CHST7: variants seen among roughly 807,000 people sequenced by gnomAD.
CHST7 encodes carbohydrate sulfotransferase 7, also known as N-acetylglucosamine 6-O-sulfotransferase 4.
In CHST7, 5 loss-of-function variants were observed where a neutral mutation model predicts 9.0. That is an observed-to-expected ratio of 0.56 (90% CI 0.29 to 1.17). The LOEUF (loss-of-function observed/expected upper bound fraction) is 1.17, where lower values mean the gene tolerates loss of function less well. Ranked by LOEUF, CHST7 falls within the 50% of genes most tolerant of loss-of-function variation. The probability of loss-of-function intolerance (pLI) is 0.08; values close to 1 mark genes in which losing one functional copy is unlikely to be tolerated. For synonymous variants in CHST7, 244 were observed against 237.1 expected (o/e 1.03, Z -0.27); for missense variants, 377 against 485.1 (o/e 0.78, Z 2.09).
chrX:46,596,413 T>C (rs940189066), intron 1 of CHST7, among the ~76,000 whole-genome samples: 10 of 110,626 alleles, frequency 9.0e-5, no homozygotes, highest in Admixed American at 2.9e-4. Context: ...ACGTGTACCT[T>C]TTCCTGTGGT....
chrX:46,577,123 C>CTTTTTTT (rs34822854), intron 1 of CHST7, among the ~76,000 whole-genome samples: 54 of 69,314 alleles, frequency 7.8e-4, no homozygotes, highest in Non-Finnish European at 9.6e-4. Flanking sequence ...GAAACTTTTG[C>CTTTTTTT]TTTTTTTTTT....
chrX:46,581,009 C>T (rs1443986985), intron 1 of CHST7, among the ~76,000 whole-genome samples: 2 of 109,952 alleles, frequency 1.8e-5, no homozygotes, highest in African/African-American at 3.3e-5. Context: ...CTGAGGCGGG[C>T]GGATCACTTG....
chrX:46,587,550 T>C (rs1177225374), intron 1 of CHST7, among the ~76,000 whole-genome samples: 1 of 112,327 alleles, frequency 8.9e-6, no homozygotes, highest in East Asian at 2.8e-4. Context: ...TTTAATGCTG[T>C]TTAAAGTACG....
At chrX:46,596,472 C>T (rs1364308136) in intron 1 of CHST7, among the ~76,000 whole-genome samples, 3 of 110,600 alleles carry the variant, frequency 2.7e-5, no homozygotes, top group Non-Finnish European at 3.8e-5. Context: ...GGAGATCTAT[C>T]TGCCTTGCAG....
At chrX:46,594,691 A>AT (rs1942586010) in intron 1 of CHST7, among the ~76,000 whole-genome samples, 1 of 110,608 alleles carries the variant, frequency 9.0e-6, no homozygotes, top group Non-Finnish European at 1.9e-5. Context: ...TGCCTTCAGG[A>AT]TTTTTTTGTC....
intron 1 of CHST7, among the ~76,000 whole-genome samples, chrX:46,591,602 T>C (rs913391367): frequency 9.0e-6 from 1 of 111,055 alleles, no homozygotes; most frequent in African/African-American, 3.3e-5. Context: ...CTGGAACTCC[T>C]AACCTCAAGT....
chrX:46,575,398 C>T lies in CHST7; in HGVS notation c.*6C>T. 9.7e-7 allele frequency: 1 copy of T among 1,030,619 alleles called. No homozygotes were observed. Among genetic ancestry groups the T allele is most frequent in the East Asian group, 3.9e-5 (1 of 25,856 alleles). The allele number at this position is 1,030,619 out of a possible 1,213,427, so 84.9% of individuals were successfully genotyped here. A position where few individuals can be genotyped will look rare whatever the true frequency, so the allele number is the denominator to read the frequency against. ...ATGCCGACGGCGCCACGTAGCCTCC[C>T]ATCCCTGTCCCCGGCACGGATCCGG... On this transcript the variant is annotated 3_prime_UTR_variant, in exon 1 of 2. Transcript: ENST00000276055.
At chrX:46,576,124 CCTCT>C (rs1942498243) in intron 1 of CHST7, among the ~76,000 whole-genome samples, 1 of 109,264 alleles carries the variant, frequency 9.2e-6, no homozygotes, top group Admixed American at 9.8e-5. Flanking sequence ...CTCATGTGCG[CCTCT>C]CTGTCTCCCC....
At chrX:46,575,657 G>C (rs1040556395) in intron 1 of CHST7, among the ~76,000 whole-genome samples, 2 of 112,472 alleles carry the variant, frequency 1.8e-5, no homozygotes, top group Admixed American at 1.9e-4. Flanking sequence ...ATATTTAGGC[G>C]TGACTGAGGT....
In CHST7 at chrX:46,575,027, C is replaced by T; in HGVS notation, c.1096C>T (p.Leu366=). The T allele has an allele frequency of 8.9e-7, 1 of 1,129,614 alleles. No homozygotes were observed. Among genetic ancestry groups the T allele is most frequent in the Non-Finnish European group, 1.2e-6 (1 of 867,029 alleles). The allele number at this position is 1,129,614 out of a possible 1,213,427, so 93.1% of individuals were successfully genotyped here. The part of the protein sequence containing the change: ...LLFARGAPAW[L]RRRYLRLRYE... Reference sequence around the variant, plus strand: ...TTTCGCGCGCGGCGCGCCCGCCTGGCTGCGGCGCCGCTACCTGAGGCTGCG... The same window carrying T: ...TTTCGCGCGCGGCGCGCCCGCCTGGTTGCGGCGCCGCTACCTGAGGCTGCG... The change falls in exon 1 of 2, where the codon CTG becomes TTG. Residue 366 remains leucine (L), a synonymous_variant. Transcript: ENST00000276055.
intron 1 of CHST7, among the ~76,000 whole-genome samples, chrX:46,579,055 G>A (rs1259781744): frequency 9.0e-6 from 1 of 111,433 alleles, no homozygotes; most frequent in African/African-American, 3.3e-5. Context: ...AGCCAAAGCT[G>A]AGAACCTCTG....
chrX:46,597,362 AC>A (rs1417124135), intron 1 of CHST7, among the ~76,000 whole-genome samples: 1 of 112,148 alleles, frequency 8.9e-6, no homozygotes, highest in Non-Finnish European at 1.9e-5. Flanking sequence ...GGCGTTTTGC[AC>A]ATATGAACTG....
At chrX:46,581,399 T>TA (rs1445234172) in intron 1 of CHST7, among the ~76,000 whole-genome samples, 2 of 105,632 alleles carry the variant, frequency 1.9e-5, no homozygotes, top group Non-Finnish European at 1.9e-5. Context: ...CTACTAAAAA[T>TA]ACAAAAATTA....
intron 1 of CHST7, among the ~76,000 whole-genome samples, chrX:46,587,254 C>T (rs1258704733): frequency 9.0e-6 from 1 of 111,112 alleles, no homozygotes; most frequent in African/African-American, 3.3e-5. Context: ...CATTGAATTC[C>T]TCCCACGGTG....
intron 1 of CHST7, among the ~76,000 whole-genome samples, chrX:46,575,811 T>C (rs1456220735): frequency 9.0e-6 from 1 of 111,642 alleles, no homozygotes; most frequent in African/African-American, 3.3e-5. Flanking sequence ...CGGAAACCAT[T>C]TGAGGTTGAT....
In CHST7 at chrX:46,574,396, C is replaced by A; in HGVS notation, c.465C>A (p.Asp155Glu). The change falls in exon 1 of 2, where the codon GAC (aspartate) becomes GAA (glutamate). Residue 155 changes from aspartate (D) to glutamate (E), a missense_variant. This residue lies in a region of CHST7 where 239 missense variants were observed against 325.7 expected (regional missense o/e 0.73). Coordinates refer to ENST00000276055, the MANE Select transcript of CHST7 (RefSeq NM_019886.4). ...DAESLQGALR[D>E]MLRSLFRCDF... ...AGAGCTTGCAGGGCGCGCTGCGCGA[C>A]ATGCTGCGTTCGCTCTTCCGCTGCG... The A allele has an allele frequency of 8.3e-7, 1 of 1,208,575 alleles. No individual in the cohort carries two copies.
intron 1 of CHST7, among the ~76,000 whole-genome samples, chrX:46,595,668 G>A (rs1039778959): frequency 9.0e-6 from 1 of 111,386 alleles, no homozygotes; most frequent in African/African-American, 3.3e-5. Flanking sequence ...TATAGAGGCA[G>A]CAAAAAGAAA....
At chrX:46,592,449 G>A (rs890132572) in intron 1 of CHST7, among the ~76,000 whole-genome samples, 1 of 112,099 alleles carries the variant, frequency 8.9e-6, no homozygotes, top group Non-Finnish European at 1.9e-5. Flanking sequence ...CAGCTCACCC[G>A]CCTTCTGGGT....
At chrX:46,579,501 T>C (rs865885051) in intron 1 of CHST7, among the ~76,000 whole-genome samples, 2 of 112,082 alleles carry the variant, frequency 1.8e-5, no homozygotes, top group Non-Finnish European at 3.8e-5. Flanking sequence ...TGACATGACA[T>C]ATGCATCCTT....
Sources: allele counts gnomAD v4.1 joint callset (sites outside exome capture counted in the v4.1 genomes callset), GRCh38; gene constraint gnomAD v4.1.1; regional missense constraint gnomAD v4.1.1; transcripts MANE v1.5; gene names NCBI Gene and HGNC (gene_info 2026-07-23, HGNC 2026-07-21).